Variants in AGO3 observed in about 807,000 individuals in gnomAD.
The protein encoded by AGO3 is argonaute RISC catalytic component 3, also known as protein argonaute-3.
Under a neutral mutation model 105.5 loss-of-function variants are expected in AGO3, and 16 were observed. The observed-to-expected ratio is 0.15, with a 90% CI of 0.10 to 0.23. The LOEUF (loss-of-function observed/expected upper bound fraction) is 0.23, where lower values mean the gene tolerates loss of function less well. Among genes scored for constraint, AGO3 ranks in the 10% least tolerant of loss-of-function variants. The probability of loss-of-function intolerance (pLI) is 1.00; values close to 1 mark genes in which losing one functional copy is unlikely to be tolerated. For synonymous variants in AGO3, 340 were observed against 367.3 expected (o/e 0.93, Z 0.85); for missense variants, 534 against 1,088.0 (o/e 0.49, Z 7.16).
chr1:35,984,061 G>T (rs556749610), intron 5 of AGO3, among the ~76,000 whole-genome samples: 1 of 152,154 alleles, frequency 6.6e-6, no homozygotes, highest in Non-Finnish European at 1.5e-5. Context: ...GGATAAAGCC[G>T]TCGAGGAATA....
chr1:35,998,743 C>T (rs775993043), intron 5 of AGO3, among the ~76,000 whole-genome samples: 2 of 152,068 alleles, frequency 1.3e-5, no homozygotes, highest in Non-Finnish European at 2.9e-5. Context: ...ATTTGTTAAA[C>T]ATATTGTGTA....
At chr1:35,953,449 G>A (rs1047590499) in intron 2 of AGO3, among the ~76,000 whole-genome samples, 1 of 151,944 alleles carries the variant, frequency 6.6e-6, no homozygotes, top group Admixed American at 6.6e-5. Flanking sequence ...CCTGATGACG[G>A]ATGTTGAACA....
intron 13 of AGO3, 139 bp downstream of exon 13, chr1:36,034,472 G>A: frequency 1.7e-6 from 1 of 577,664 alleles, no homozygotes; most frequent in East Asian, 3.7e-5. Context: ...AGACATTTTG[G>A]TAAAAAAATA....
In AGO3 at chr1:36,031,899, G is replaced by T. The variant is rs964150688; in HGVS notation, c.1592-2275G>T. On this transcript the variant is annotated intron_variant, in intron 12 of 18. Coordinates refer to ENST00000373191, the MANE Select transcript of AGO3 (RefSeq NM_024852.4). ...TCCATTGTTTGTATATGTGTGTGTG[G>T]GGGGGCGGGGGGTGTGTGTGTGTGT... Among the ~76,000 whole-genome samples, 18 of 150,776 alleles carry T rather than the reference G, an allele frequency of 1.2e-4. No homozygotes were observed. In the South Asian group the frequency reaches 1.9e-3, roughly 16 times the overall value.
intron 17 of AGO3, among the ~76,000 whole-genome samples, chr1:36,044,587 C>T (rs975085953): frequency 2.6e-5 from 4 of 151,810 alleles, no homozygotes; most frequent in Non-Finnish European, 4.4e-5. Context: ...CTGGGTGCCA[C>T]CACACCCAGT....
At chr1:36,001,339 A>G (rs1275849932) in intron 5 of AGO3, among the ~76,000 whole-genome samples, 1 of 152,224 alleles carries the variant, frequency 6.6e-6, no homozygotes, top group Admixed American at 6.5e-5. Context: ...ACACGTGCAC[A>G]GGAACATTCA....
intron 11 of AGO3, among the ~76,000 whole-genome samples, chr1:36,018,125 C>T (rs879000154): frequency 6.6e-6 from 1 of 151,494 alleles, no homozygotes; most frequent in African/African-American, 2.4e-5. Flanking sequence ...AGGCACGTAC[C>T]ACCACGCCCA....
intron 5 of AGO3, among the ~76,000 whole-genome samples, chr1:35,999,686 A>G (rs1318441570): frequency 2.0e-5 from 3 of 152,204 alleles, no homozygotes; most frequent in Non-Finnish European, 2.9e-5. Flanking sequence ...GTATAAGAAT[A>G]TAATTTATTT....
At chr1:36,000,478 T>C (rs1443913643) in intron 5 of AGO3, among the ~76,000 whole-genome samples, 1 of 152,188 alleles carries the variant, frequency 6.6e-6, no homozygotes, top group African/African-American at 2.4e-5. Flanking sequence ...CTAGCATGTT[T>C]GTTTAGTAGT....
rs1475390122 is a variant in AGO3, at chr1:36,069,063, T to C, written c.*13318T>C. 6.6e-6 allele frequency: 1 copy of C among 152,194 alleles called. No homozygotes were observed. The highest frequency in any genetic ancestry group is 1.5e-5 in the Non-Finnish European group (1 of 68,032). The allele number at this position is 152,194 out of a possible 1,614,324, so 9.4% of individuals were successfully genotyped here. Reference sequence around the variant, plus strand: ...TGTGTGCCTAGTTTCCCCTTGTAAATAAGAGTGGTAATACCTGTCCTCACC... The same window carrying C: ...TGTGTGCCTAGTTTCCCCTTGTAAACAAGAGTGGTAATACCTGTCCTCACC... On this transcript the variant is annotated 3_prime_UTR_variant, in exon 19 of 19. Transcript: ENST00000373191.
At chr1:36,002,574 C>G (rs1640136409) in intron 5 of AGO3, among the ~76,000 whole-genome samples, 1 of 151,868 alleles carries the variant, frequency 6.6e-6, no homozygotes, top group South Asian at 2.1e-4. Context: ...TCAGGCAGTC[C>G]ACCCGCCTCG....
rs551640081 is a variant in AGO3 at position 35,936,835 on chromosome 1, A to G, written c.19+5390A>G. Among the ~76,000 whole-genome samples the G allele has an allele frequency of 3.9e-4, 59 of 152,168 alleles. 1 individual carries two copies. Among genetic ancestry groups the G allele is most frequent in the Non-Finnish European group, 8.8e-5 (6 of 67,998 alleles). On this transcript the variant is annotated intron_variant, in intron 1 of 18. Transcript: ENST00000373191. ...GATCCTCCTGCCTCAGCCTCCCAAA[A>G]TGCTGGGATTGCAGGAGTGAGCCAC... is the stretch of plus-strand genomic sequence containing the variant.
intron 1 of AGO3, among the ~76,000 whole-genome samples, chr1:35,943,567 C>A (rs1336815757): frequency 6.0e-5 from 9 of 149,700 alleles, no homozygotes; most frequent in Non-Finnish European, 1.2e-4. Context: ...TCCCAAAGTG[C>A]TAGGATTACA....
intron 17 of AGO3, among the ~76,000 whole-genome samples, chr1:36,046,173 A>G (rs1414485568): frequency 6.6e-6 from 1 of 152,086 alleles, no homozygotes; most frequent in African/African-American, 2.4e-5. Flanking sequence ...AACCCGAGAA[A>G]AGGAGCTGAT....
intron 1 of AGO3, among the ~76,000 whole-genome samples, chr1:35,933,009 C>T (rs1484077233): frequency 6.6e-6 from 1 of 152,032 alleles, no homozygotes; most frequent in Non-Finnish European, 1.5e-5. Flanking sequence ...CATCAAACCA[C>T]CTAGTCAACT....
chr1:36,003,365 C>G (rs1640183216), intron 5 of AGO3, among the ~76,000 whole-genome samples: 1 of 152,012 alleles, frequency 6.6e-6, no homozygotes, highest in Admixed American at 6.6e-5. Context: ...AAAAACCACC[C>G]ACTGCTCAAT....
At chr1:35,949,213 G>A (rs1195528764) in intron 2 of AGO3, among the ~76,000 whole-genome samples, 2 of 152,214 alleles carry the variant, frequency 1.3e-5, no homozygotes, top group East Asian at 1.9e-4. Flanking sequence ...AAAGTGCTGG[G>A]ATTACAGGCG....
intron 11 of AGO3, among the ~76,000 whole-genome samples, chr1:36,014,520 C>A (rs138510911): frequency 0.015 from 2,262 of 151,286 alleles, 66 homozygotes; most frequent in African/African-American, 0.051. Context: ...ACCTGTAATC[C>A]CAGCACTTTG....
intron 14 of AGO3, among the ~76,000 whole-genome samples, chr1:36,036,672 G>C (rs1642022840): frequency 6.6e-6 from 1 of 151,960 alleles, no homozygotes; most frequent in South Asian, 2.1e-4. Flanking sequence ...TCAATACTTT[G>C]CACCTGAATT....
Sources: gnomAD v4.1 joint callset for allele counts (sites outside exome capture counted in the v4.1 genomes callset) on GRCh38, gnomAD v4.1.1 for gene constraint, MANE v1.5 for transcripts, NCBI Gene and HGNC (gene_info 2026-07-23, HGNC 2026-07-21) for gene names.